The following RETREG3 variants were observed in gnomAD, a reference collection of about 807,000 sequenced individuals.
RETREG3 encodes the protein reticulophagy regulator 3.
In RETREG3, 23 loss-of-function variants were observed where a neutral mutation model predicts 50.2. The observed-to-expected ratio is 0.46, with a 90% confidence interval of 0.33 to 0.65. RETREG3 has a LOEUF of 0.65. Ranked by LOEUF, RETREG3 falls within the 30% of genes least tolerant of loss-of-function variation. The pLI is 0.02. For synonymous variants in RETREG3, 240 were observed against 234.4 expected, an observed-to-expected ratio of 1.02 and a Z score of -0.22; for missense variants, 546 against 598.0, an observed-to-expected ratio of 0.91 and a Z score of 0.91.
At chr17:42,599,653 CAA>C (rs71157649) in intron 1 of RETREG3, among the ~76,000 whole-genome samples, 12 of 108,346 alleles carry the variant, frequency 1.1e-4, no homozygotes, top group Admixed American at 1.0e-4. Context: ...GGCTCCGTCT[CAA>C]AAAAAAAAAA....
intron 1 of RETREG3, among the ~76,000 whole-genome samples, chr17:42,595,739 G>A (rs1048263780): frequency 2.1e-4 from 29 of 139,286 alleles, no homozygotes; most frequent in African/African-American, 6.5e-4. Flanking sequence ...CATGATCTCC[G>A]CTCACTGAAA....
intron 2 of RETREG3, 58 bp from the exon 3 acceptor site, chr17:42,587,922 G>A (rs2093124404): frequency 6.2e-7 from 1 of 1,600,956 alleles, no homozygotes; most frequent in Non-Finnish European, 8.6e-7. Flanking sequence ...ACATGAAAAT[G>A]TTAGGCTGTT....
At position 42,582,172 on chromosome 17, in the gene RETREG3, C is replaced by T. The variant is rs1363938608; in HGVS notation, c.1042G>A (p.Asp348Asn). 5.0e-6 allele frequency: 8 copies of T among 1,613,922 alleles called. No homozygotes were observed. Among genetic ancestry groups the T allele is most frequent in the South Asian group, 1.1e-5 (1 of 91,076 alleles). The change falls in exon 9 of 9, where the codon GAC (aspartate) becomes AAC (asparagine). Residue 348 changes from aspartate to asparagine, a missense_variant. Physicochemically the swap from Asp to Asn is conservative, Grantham distance 23. Coordinates refer to ENST00000309428, the MANE Select transcript of RETREG3 (RefSeq NM_178126.4). ...MDPAGLDDED[D>N]TSIGMPSLMY... ...AAGCTGGGCATGCCAATGCTAGTGT[C>T]GTCCTCATCATCCAGGCCAGCAGGA...
At position 42,580,523 on chromosome 17, in the gene RETREG3, C is replaced by G. The variant is rs542309409; in HGVS notation, c.*1290G>C. 3 of 152,908 alleles carry G rather than the reference C, an allele frequency of 2.0e-5. No individual in the cohort carries two copies. In the South Asian group the frequency reaches 6.2e-4, roughly 32 times the overall value. 9.5% of individuals were successfully genotyped at this position (152,908 alleles called of 1,614,324 possible). ...ATTAACTACACAGCTCCAGAAGACT[C>G]AGACCTCAAAATACAGAGGTGCTCA... On this transcript the variant is annotated 3_prime_UTR_variant, in exon 9 of 9. Coordinates refer to ENST00000309428, the MANE Select transcript of RETREG3 (RefSeq NM_178126.4).
intron 1 of RETREG3, among the ~76,000 whole-genome samples, chr17:42,597,377 C>T (rs1453438197): frequency 4.0e-5 from 6 of 148,804 alleles, no homozygotes; most frequent in African/African-American, 9.9e-5. Context: ...TTAGTAGAGA[C>T]GGGGTTGCAC....
chr17:42,580,594 A>C lies in RETREG3; in HGVS notation c.*1219T>G, dbSNP rs1249096611. The C allele has an allele frequency of 6.5e-6, 1 of 152,726 alleles. No individual in the cohort carries two copies. Among genetic ancestry groups the C allele is most frequent in the Non-Finnish European group, 1.5e-5 (1 of 68,046 alleles). The allele number at this position is 152,726 out of a possible 1,614,324, so 9.5% of individuals were successfully genotyped here. ...ATCCCCCTGGGCCAAGGTAATGTAG[A>C]AGAGGCCCATCCCCACATCATATTC... On this transcript the variant is annotated 3_prime_UTR_variant, in exon 9 of 9. Coordinates refer to ENST00000309428, the MANE Select transcript of RETREG3 (RefSeq NM_178126.4).
Position 42,586,902 on chromosome 17 carries a change from G to C in RETREG3, c.378-11C>G. 1 of 1,612,748 alleles carries C rather than the reference G, an allele frequency of 6.2e-7. No individual in the cohort carries two copies. The highest frequency in any genetic ancestry group is 1.8e-4 in the Middle Eastern group (1 of 5,620). On this transcript the variant is annotated splice_polypyrimidine_tract_variant and intron_variant, in intron 3 of 8. Coordinates refer to ENST00000309428, the MANE Select transcript of RETREG3 (RefSeq NM_178126.4). ...TGCACAAAGCCCCAGCTATGGGAGA[G>C]AGAAGGGGGAGCTGTGAAAGGAGGG...
intron 5 of RETREG3, among the ~76,000 whole-genome samples, chr17:42,585,539 G>A (rs1302888403): frequency 6.6e-6 from 1 of 152,190 alleles, no homozygotes; most frequent in Non-Finnish European, 1.5e-5. Context: ...GTGTCACTGA[G>A]CCATAAATGG....
Position 42,609,144 on chromosome 17 carries a change from C to T in RETREG3, c.181G>A (p.Val61Met), listed in dbSNP as rs898044589. ...GCGCTCCTAGCTGGCCGCTCCCACA[C>T]CAGGGCTGCCTGCACCCGACTCAGC... ...PLLSRVQAAL[V>M]WERPARSALW... The change falls in exon 1 of 9, where the codon GTG becomes ATG. Residue 61 changes from valine (V) to methionine (M), a missense_variant. Val to Met is a conservative substitution (Grantham distance 21). Transcript: ENST00000309428. The T allele has an allele frequency of 1.3e-5, 21 of 1,609,960 alleles. No homozygotes were observed. The African/African-American group carries it at 2.7e-4, about 20-fold the overall frequency.
intron 1 of RETREG3, among the ~76,000 whole-genome samples, chr17:42,598,172 G>A (rs533219600): frequency 8.6e-5 from 13 of 150,674 alleles, no homozygotes; most frequent in Non-Finnish European, 1.5e-4. Context: ...TAGTAGAGAC[G>A]GGGTTTTACC....
intron 2 of RETREG3, among the ~76,000 whole-genome samples, chr17:42,590,380 A>G (rs1040073335): frequency 2.6e-5 from 4 of 151,880 alleles, no homozygotes; most frequent in African/African-American, 9.7e-5. Context: ...TTGTTAAAAA[A>G]TAAGAATAGG....
chr17:42,583,414 T>C, intron 7 of RETREG3, 84 bp downstream of exon 7: 2 of 1,329,604 alleles, frequency 1.5e-6, no homozygotes, highest in Non-Finnish European at 2.1e-6. Context: ...TCAAACCTGG[T>C]TATGGCCTAA....
At chr17:42,602,911 C>T (rs909624513) in intron 1 of RETREG3, among the ~76,000 whole-genome samples, 3 of 151,896 alleles carry the variant, frequency 2.0e-5, no homozygotes, top group East Asian at 1.9e-4. Context: ...CCACTGCTCT[C>T]GAGCCTGGGC....
At chr17:42,586,945 T>C in intron 3 of RETREG3, 54 bp from the exon 4 acceptor site, 2 of 1,601,698 alleles carry the variant, frequency 1.2e-6, no homozygotes, top group Non-Finnish European at 1.7e-6. Flanking sequence ...GGTCCCCCCA[T>C]CTTGCTGTGC....
chr17:42,607,491 C>T (rs1298358889), intron 1 of RETREG3, among the ~76,000 whole-genome samples: 1 of 95,132 alleles, frequency 1.1e-5, no homozygotes, highest in African/African-American at 4.0e-5. Context: ...TAGAGCAAGA[C>T]CTTGTCTCAA....
intron 1 of RETREG3, among the ~76,000 whole-genome samples, chr17:42,596,240 T>G (rs919165667): frequency 2.7e-5 from 4 of 150,716 alleles, no homozygotes. Flanking sequence ...GGTATGGTGA[T>G]GCAAACCTGT....
chr17:42,583,436 C>A, intron 7 of RETREG3, 62 bp downstream of exon 7: 2 of 1,525,190 alleles, frequency 1.3e-6, no homozygotes, highest in South Asian at 2.3e-5. Flanking sequence ...TGTGAGCTGT[C>A]GGATGGTTAA....
chr17:42,583,435 T>A, intron 7 of RETREG3, 63 bp downstream of exon 7: 2 of 1,521,378 alleles, frequency 1.3e-6, no homozygotes, highest in Admixed American at 3.5e-5. Context: ...ATGTGAGCTG[T>A]CGGATGGTTA....
intron 1 of RETREG3, among the ~76,000 whole-genome samples, chr17:42,606,550 G>A (rs1414687356): frequency 1.3e-5 from 2 of 151,186 alleles, no homozygotes; most frequent in Non-Finnish European, 1.5e-5. Flanking sequence ...GCAGTGGGCC[G>A]AGATGGCGCC....
Sources: gnomAD v4.1 joint callset for allele counts (sites outside exome capture counted in the v4.1 genomes callset) on GRCh38, gnomAD v4.1.1 for gene constraint, MANE v1.5 for transcripts, NCBI Gene and HGNC (gene_info 2026-07-23, HGNC 2026-07-21) for gene names.